Variants in KLRG1 observed in about 807,000 individuals in gnomAD.
KLRG1 encodes the protein killer cell lectin-like receptor subfamily G member 1.
In KLRG1, 16 loss-of-function variants were observed where a neutral mutation model predicts 21.8. The ratio of observed to expected loss-of-function variants is 0.73; its 90% CI spans 0.50 to 1.11. The LOEUF (loss-of-function observed/expected upper bound fraction) is 1.11. KLRG1 is among the 50% of genes most tolerant of loss of function. The pLI, the probability that KLRG1 is intolerant of heterozygous loss-of-function variation, is 0.00. For missense variants in KLRG1, 173 were observed against 218.3 expected (o/e 0.79, Z 1.31); for synonymous variants, 69 against 75.9 (o/e 0.91, Z 0.47).
At chr12:9,151,589 T>G in the KLRG1 span, 2 of 1,610,230 alleles carry the variant, frequency 1.2e-6, no homozygotes, top group Non-Finnish European at 1.7e-6. Context: ...TCAGCCAGGA[T>G]GTCAGAGCCC....
chr12:9,171,718 G>C, the KLRG1 span, among the ~76,000 whole-genome samples: 1 of 152,166 alleles, frequency 6.6e-6, no homozygotes, highest in Non-Finnish European at 1.5e-5. Flanking sequence ...TAGCAGGATA[G>C]ACCAAGAGGA....
chr12:9,160,572 T>C, the KLRG1 span: 1 of 1,266,778 alleles, frequency 7.9e-7, no homozygotes, highest in East Asian at 2.6e-5. Flanking sequence ...GCCTTTATAT[T>C]CAGAGTCTAT....
At chr12:9,025,519 C>G in the KLRG1 span, among the ~76,000 whole-genome samples, 14 of 152,254 alleles carry the variant, frequency 9.2e-5, no homozygotes, top group Non-Finnish European at 1.5e-4. Flanking sequence ...TGCCTGTAGT[C>G]CCAGCTACTC....
chr12:9,035,998 G>A, the KLRG1 span, among the ~76,000 whole-genome samples: 1 of 152,258 alleles, frequency 6.6e-6, no homozygotes, highest in Middle Eastern at 3.4e-3. Context: ...ACTTGAGAGT[G>A]GAGATTGGGA....
chr12:9,026,256 G>T, the KLRG1 span, among the ~76,000 whole-genome samples: 34,533 of 152,050 alleles, frequency 0.23, 4,695 homozygotes, highest in South Asian at 0.32. Context: ...TATAGGAAAA[G>T]ATTTGGGAAT....
At position 9,009,668 on chromosome 12, in the gene KLRG1, A is replaced by G; in HGVS notation, c.*131A>G. ...TGAACTTTCTCAGATATGGCATTAG[A>G]TGCAAGACAACCTCCTAGGGATTGA... On this transcript the variant is annotated 3_prime_UTR_variant, in exon 5 of 5. Coordinates refer to ENST00000356986, the MANE Select transcript of KLRG1 (RefSeq NM_005810.4). 1 of 1,445,266 alleles carries G rather than the reference A, an allele frequency of 6.9e-7. No homozygotes were observed. The highest frequency in any genetic ancestry group is 9.1e-7 in the Non-Finnish European group (1 of 1,103,474). 89.5% of individuals were successfully genotyped at this position (1,445,266 alleles called of 1,614,324 possible).
chr12:8,979,612 A>G (rs960395861), intron 1 of KLRG1, among the ~76,000 whole-genome samples: 5 of 152,022 alleles, frequency 3.3e-5, no homozygotes, highest in South Asian at 2.1e-4. Flanking sequence ...TCTTCCCTCA[A>G]TTTGGATAGT....
the KLRG1 span, chr12:9,052,799 A>G: frequency 4.5e-6 from 2 of 444,654 alleles, no homozygotes; most frequent in African/African-American, 4.1e-5. Flanking sequence ...GATTAATAAT[A>G]GTATCTACAT....
At chr12:9,009,199 A>G in intron 4 of KLRG1, 124 bp downstream of exon 4, 1 of 876,950 alleles carries the variant, frequency 1.1e-6, no homozygotes. Context: ...AAGGAGAGGA[A>G]ATAGGGAACA....
the KLRG1 span, chr12:9,101,266 A>T: frequency 6.0e-5 from 89 of 1,494,812 alleles, no homozygotes; most frequent in African/African-American, 1.1e-3. Context: ...CTTCAGTCTC[A>T]CTTCAATATA....
At chr12:9,192,394 C>T in the KLRG1 span, 22 of 1,264,148 alleles carry the variant, frequency 1.7e-5, no homozygotes, top group Middle Eastern at 1.9e-4. Flanking sequence ...GAATGAAGGA[C>T]GCACAACAAG....
the KLRG1 span, among the ~76,000 whole-genome samples, chr12:9,019,681 C>T: frequency 6.6e-6 from 1 of 152,170 alleles, no homozygotes; most frequent in South Asian, 2.1e-4. Context: ...TTCCCCACCT[C>T]AGGAAATGGC....
the KLRG1 span, chr12:9,157,045 C>T: frequency 9.3e-6 from 7 of 756,594 alleles, no homozygotes; most frequent in Non-Finnish European, 1.2e-5. Context: ...TTATTAGGTC[C>T]CCCATGCATT....
the KLRG1 span, chr12:9,196,680 G>A: frequency 3.1e-6 from 5 of 1,600,410 alleles, no homozygotes; most frequent in Non-Finnish European, 4.3e-6. Flanking sequence ...AGCCATTGCT[G>A]TTAAGCTGAG....
At chr12:8,991,771 C>G (rs906847501) in intron 1 of KLRG1, among the ~76,000 whole-genome samples, 5 of 152,158 alleles carry the variant, frequency 3.3e-5, no homozygotes, top group African/African-American at 1.2e-4. Context: ...TCTTCTCCTC[C>G]TACAAATATT....
the KLRG1 span, among the ~76,000 whole-genome samples, chr12:9,125,856 T>C: frequency 6.6e-6 from 1 of 152,188 alleles, no homozygotes; most frequent in Non-Finnish European, 1.5e-5. Flanking sequence ...TGCCTCAGCC[T>C]CCCAAGTAGC....
the KLRG1 span, among the ~76,000 whole-genome samples, chr12:9,052,386 G>C: frequency 1.3e-5 from 2 of 152,088 alleles, no homozygotes; most frequent in African/African-American, 4.8e-5. Context: ...TTCAAATCGT[G>C]AGCAGCACTG....
At chr12:9,005,087 A>G (rs1379711037) in intron 3 of KLRG1, among the ~76,000 whole-genome samples, 2 of 152,186 alleles carry the variant, frequency 1.3e-5, no homozygotes, top group Non-Finnish European at 2.9e-5. Flanking sequence ...AAATGGATAA[A>G]TGAAACTAAC....
intron 3 of KLRG1, among the ~76,000 whole-genome samples, chr12:9,000,625 A>G (rs1947278330): frequency 6.6e-6 from 1 of 152,168 alleles, no homozygotes; most frequent in African/African-American, 2.4e-5. Context: ...GTATTTGCCT[A>G]TTCTGTCCTT....
Sources: gnomAD v4.1 joint callset for allele counts (sites outside exome capture counted in the v4.1 genomes callset) on GRCh38, gnomAD v4.1.1 for gene constraint, MANE v1.5 for transcripts, NCBI Gene and HGNC (gene_info 2026-07-23, HGNC 2026-07-21) for gene names.